The following UGT1A7 variants were observed in gnomAD, a reference collection of about 807,000 sequenced individuals.
The protein encoded by UGT1A7 is UDP-glucuronosyltransferase 1A7.
UGT1A7 carries 33 observed loss-of-function variants against 45.6 expected under a neutral mutation model. The observed-to-expected ratio is 0.72, with a 90% CI of 0.55 to 0.97. The LOEUF is 0.97. UGT1A7 is among the 50% of genes least tolerant of loss of function. UGT1A7 has a pLI of 0.00. For synonymous variants in UGT1A7, 274 were observed against 250.6 expected, an observed-to-expected ratio of 1.09 and a Z score of -0.88; for missense variants, 684 against 666.2, an observed-to-expected ratio of 1.03 and a Z score of -0.29.
chr2:233,768,543 A>T, intron 4 of UGT1A7, 104 bp downstream of exon 4: 1 of 1,485,090 alleles, frequency 6.7e-7, no homozygotes, highest in Non-Finnish European at 8.9e-7. Context: ...TGTTTCAAAT[A>T]TAAAAACAAA....
chr2:233,743,680 G>A (rs555741522), intron 1 of UGT1A7: 52 of 1,367,218 alleles, frequency 3.8e-5, no homozygotes, highest in East Asian at 3.2e-4. Flanking sequence ...AGGGCCTGCC[G>A]CCTGTGCAGC....
At chr2:233,707,601 G>A (rs953899116) in intron 1 of UGT1A7, among the ~76,000 whole-genome samples, 4 of 148,144 alleles carry the variant, frequency 2.7e-5, no homozygotes, top group Admixed American at 2.0e-4. Context: ...TTTACAAGTT[G>A]TAGTTTGTGG....
At chr2:233,740,309 G>A (rs1460267947) in intron 1 of UGT1A7, among the ~76,000 whole-genome samples, 2 of 151,928 alleles carry the variant, frequency 1.3e-5, no homozygotes, top group African/African-American at 4.9e-5. Context: ...CTGAGAAAAG[G>A]AAATGAATCT....
chr2:233,690,871 G>C (rs960988166), intron 1 of UGT1A7: 1 of 1,062,200 alleles, frequency 9.4e-7, no homozygotes, highest in Non-Finnish European at 1.1e-6. Flanking sequence ...TTTGCAAGAA[G>C]GTGTTAGGAA....
intron 1 of UGT1A7, chr2:233,719,812 C>G: frequency 6.3e-7 from 1 of 1,587,558 alleles, no homozygotes; most frequent in South Asian, 1.1e-5. Context: ...TTCTTTATAA[C>G]AGATAAACTG....
At chr2:233,690,438 C>G in intron 1 of UGT1A7, 1 of 1,277,180 alleles carries the variant, frequency 7.8e-7, no homozygotes, top group Admixed American at 2.3e-5. Context: ...CTTTGGGTCT[C>G]TCCTCTATTC....
chr2:233,772,471 T>C lies in UGT1A7; in HGVS notation c.1505T>C (p.Ile502Thr), dbSNP rs1341191921. The C allele has an allele frequency of 1.2e-6, 2 of 1,614,022 alleles. No homozygotes were observed. The highest frequency in any genetic ancestry group is 1.7e-6 in the Non-Finnish European group (2 of 1,180,036). Residue 502 changes from isoleucine to threonine, a missense_variant, in exon 5 of 5, where the codon ATC (isoleucine) becomes ACC (threonine). Physicochemically the swap from Ile to Thr is moderately conservative, Grantham distance 89. Coordinates refer to ENST00000373426, the MANE Select transcript of UGT1A7 (RefSeq NM_019077.3). Reference sequence around the variant, plus strand: ...GCCGTCGTGCTGACAGTGGCCTTCATCACCTTTAAATGTTGTGCTTATGGC... The same window carrying C: ...GCCGTCGTGCTGACAGTGGCCTTCACCACCTTTAAATGTTGTGCTTATGGC... ...LLAVVLTVAF[I>T]TFKCCAYGYR...
intron 1 of UGT1A7, chr2:233,760,319 T>A (rs201984525): frequency 1.2e-6 from 2 of 1,614,040 alleles, no homozygotes; most frequent in Non-Finnish European, 1.7e-6. Flanking sequence ...GGACGCCCAC[T>A]TGTCCTGGGC....
chr2:233,756,970 G>T (rs550793027), intron 1 of UGT1A7, among the ~76,000 whole-genome samples: 8 of 152,064 alleles, frequency 5.3e-5, no homozygotes, highest in African/African-American at 1.7e-4. Context: ...TGGTAAGCAC[G>T]CAATGAACAG....
chr2:233,757,956 G>C (rs1696761467), intron 1 of UGT1A7, among the ~76,000 whole-genome samples: 1 of 152,144 alleles, frequency 6.6e-6, no homozygotes, highest in Admixed American at 6.5e-5. Flanking sequence ...CTGCCCTGCT[G>C]TGTGATTTCT....
chr2:233,750,148 T>C (rs1694375303), intron 1 of UGT1A7, among the ~76,000 whole-genome samples: 1 of 151,890 alleles, frequency 6.6e-6, no homozygotes, highest in Non-Finnish European at 1.5e-5. Flanking sequence ...TCCTAGAGAC[T>C]TGTTGAATGG....
intron 1 of UGT1A7, chr2:233,752,584 T>C (rs903855618): frequency 6.6e-6 from 1 of 152,196 alleles, no homozygotes; most frequent in Non-Finnish European, 1.5e-5. Context: ...CATTCCCATC[T>C]CTACAAGATT....
At chr2:233,757,125 G>A (rs1455211055) in intron 1 of UGT1A7, among the ~76,000 whole-genome samples, 1 of 151,320 alleles carries the variant, frequency 6.6e-6, no homozygotes, top group Non-Finnish European at 1.5e-5. Context: ...CTAGAGAGGA[G>A]GAATGAGCTT....
chr2:233,702,215 T>C (rs1034307572), intron 1 of UGT1A7, among the ~76,000 whole-genome samples: 6 of 152,218 alleles, frequency 3.9e-5, no homozygotes, highest in Non-Finnish European at 7.4e-5. Flanking sequence ...ATCAACTTTC[T>C]GTCCTTATGA....
chr2:233,692,052 T>G (rs1388917886), intron 1 of UGT1A7: 1 of 152,078 alleles, frequency 6.6e-6, no homozygotes, highest in Non-Finnish European at 1.5e-5. Flanking sequence ...ACCCTTGCGA[T>G]TAGAGGGAAG....
intron 1 of UGT1A7, among the ~76,000 whole-genome samples, chr2:233,684,011 T>C (rs2074659673): frequency 6.6e-6 from 1 of 152,182 alleles, no homozygotes; most frequent in East Asian, 1.9e-4. Context: ...AGAGTAAGAT[T>C]CTTGGCAAAT....
intron 1 of UGT1A7, chr2:233,730,038 C>T (rs1559375450): frequency 6.2e-7 from 1 of 1,612,872 alleles, no homozygotes; most frequent in East Asian, 2.2e-5. Flanking sequence ...AGGCAAAACA[C>T]TTTTTAAAAA....
At chr2:233,713,146 A>G (rs2076284173) in intron 1 of UGT1A7, 1 of 1,614,234 alleles carries the variant, frequency 6.2e-7, no homozygotes, top group East Asian at 2.2e-5. Context: ...CGGGACCTCC[A>G]TGCGAGAGGC....
chr2:233,682,226 C>T lies in UGT1A7; in HGVS notation c.289C>T (p.Arg97Cys), dbSNP rs1262498281. 3.1e-6 allele frequency: 5 copies of T among 1,614,078 alleles called. No individual in the cohort carries two copies. The highest frequency in any genetic ancestry group is 1.3e-5 in the African/African-American group (1 of 74,928). Residue 97 changes from arginine (R) to cysteine (C), a missense_variant, in exon 1 of 5, where the codon CGC becomes TGC. By Grantham distance (180) the Arg-to-Cys change is radical (BLOSUM62 -3). Transcript: ENST00000373426. ...GGAGTTCATGGTTTTTGCCGATGCT[C>T]GCTGGACGGCACCATTGCGAAGTGC... The part of the protein sequence containing the change: ...DREFMVFADA[R>C]WTAPLRSAFS...
Sources: allele counts gnomAD v4.1 joint callset (sites outside exome capture counted in the v4.1 genomes callset), GRCh38; gene constraint gnomAD v4.1.1; transcripts MANE v1.5; gene names NCBI Gene and HGNC (gene_info 2026-07-23, HGNC 2026-07-21).